Variants in SRGAP3 observed in about 807,000 individuals in gnomAD.
SRGAP3 encodes SLIT-ROBO Rho GTPase-activating protein 3.
Under a neutral mutation model 121.1 loss-of-function variants are expected in SRGAP3, and 39 were observed. That is an observed-to-expected ratio of 0.32 (90% CI 0.25 to 0.42). The LOEUF is 0.42. SRGAP3 is among the 10% of genes least tolerant of loss of function. SRGAP3 has a pLI of 1.00. For missense variants in SRGAP3, 1,213 were observed against 1,470.6 expected (o/e 0.82, Z 2.86); for synonymous variants, 601 against 570.0 (o/e 1.05, Z -0.77).
chr3:8,994,078 C>A, intron 19 of SRGAP3: 1 of 500,822 alleles, frequency 2.0e-6, no homozygotes, highest in Non-Finnish European at 3.7e-6. Flanking sequence ...TGATGGCACT[C>A]CCTGGGGGCT....
At chr3:8,993,547 C>T (rs760712200) in intron 19 of SRGAP3, among the ~76,000 whole-genome samples, 7 of 152,218 alleles carry the variant, frequency 4.6e-5, no homozygotes, top group Non-Finnish European at 8.8e-5. Flanking sequence ...GGTGCCCTGC[C>T]GGCCTCCTTC....
At chr3:9,194,070 G>A (rs1951846808) in intron 1 of SRGAP3, 1 of 152,214 alleles carries the variant, frequency 6.6e-6, no homozygotes, top group Admixed American at 6.5e-5. Flanking sequence ...GAGTTGCAAA[G>A]GGGCTTACAA....
At chr3:9,096,850 C>A (rs1432497334) in intron 3 of SRGAP3, among the ~76,000 whole-genome samples, 2 of 143,770 alleles carry the variant, frequency 1.4e-5, no homozygotes, top group African/African-American at 5.1e-5. Flanking sequence ...TCTCAAAGTC[C>A]AAATAATCAT....
At chr3:9,032,406 C>A (rs1944529433) in intron 12 of SRGAP3, among the ~76,000 whole-genome samples, 1 of 152,208 alleles carries the variant, frequency 6.6e-6, no homozygotes, top group Non-Finnish European at 1.5e-5. Flanking sequence ...TCCCTGAGTT[C>A]TTTCATGATC....
chr3:9,191,675 G>A (rs1265522640), intron 1 of SRGAP3, among the ~76,000 whole-genome samples: 2 of 152,224 alleles, frequency 1.3e-5, no homozygotes, highest in African/African-American at 4.8e-5. Context: ...GAATGTGGGA[G>A]ATATGGGAGA....
intron 1 of SRGAP3, among the ~76,000 whole-genome samples, chr3:9,351,014 C>T (rs2030107866): frequency 6.6e-6 from 1 of 152,134 alleles, no homozygotes; most frequent in Non-Finnish European, 1.5e-5. Flanking sequence ...AGGATGCTGG[C>T]TCCCTCATGC....
intron 3 of SRGAP3, among the ~76,000 whole-genome samples, chr3:9,287,938 T>A (rs953757122): frequency 2.0e-5 from 3 of 152,136 alleles, no homozygotes; most frequent in African/African-American, 7.2e-5. Flanking sequence ...AATTTTTTTT[T>A]AATCTATCTT....
At chr3:9,019,546 T>A (rs1035461287) in intron 14 of SRGAP3, among the ~76,000 whole-genome samples, 1 of 152,236 alleles carries the variant, frequency 6.6e-6, no homozygotes, top group Non-Finnish European at 1.5e-5. Context: ...ATCCACACAA[T>A]GGGCTGCTCC....
chr3:9,091,020 C>T (rs1043314233), intron 3 of SRGAP3, among the ~76,000 whole-genome samples: 6 of 138,798 alleles, frequency 4.3e-5, no homozygotes, highest in Non-Finnish European at 1.0e-4. Flanking sequence ...TAATGTCATT[C>T]TCTATGTCTA....
At chr3:9,017,683 A>T (rs192490724) in intron 14 of SRGAP3, among the ~76,000 whole-genome samples, 1 of 152,322 alleles carries the variant, frequency 6.6e-6, no homozygotes, top group African/African-American at 2.4e-5. Flanking sequence ...ATGATTGCCT[A>T]ACTCTGTAAA....
chr3:9,115,311 ATT>A (rs1377136054), intron 2 of SRGAP3, among the ~76,000 whole-genome samples: 1 of 152,216 alleles, frequency 6.6e-6, no homozygotes, highest in Non-Finnish European at 1.5e-5. Context: ...TTATTATCCT[ATT>A]TGCCTAATAG....
intron 10 of SRGAP3, 69 bp from the exon 11 acceptor site, chr3:9,038,159 T>C (rs2125110768): frequency 6.3e-7 from 1 of 1,596,128 alleles, no homozygotes; most frequent in African/African-American, 1.3e-5. Context: ...TTCATCTTTT[T>C]CTAAAAACAA....
intron 3 of SRGAP3, among the ~76,000 whole-genome samples, chr3:9,267,689 G>A (rs1482428457): frequency 6.6e-6 from 1 of 152,124 alleles, no homozygotes; most frequent in African/African-American, 2.4e-5. Context: ...TATTTTCTCT[G>A]GTACTTAGAA....
At chr3:9,257,782 G>A (rs1400268866) in intron 3 of SRGAP3, among the ~76,000 whole-genome samples, 1 of 125,794 alleles carries the variant, frequency 7.9e-6, no homozygotes, top group Non-Finnish European at 1.6e-5. Flanking sequence ...TTGGCTCACT[G>A]CAACCTCTGC....
chr3:9,051,122 G>A (rs937898086), intron 9 of SRGAP3, among the ~76,000 whole-genome samples: 1 of 143,568 alleles, frequency 7.0e-6, no homozygotes, highest in Non-Finnish European at 1.5e-5. Context: ...AACCTCCCAG[G>A]CTCAAGTAAT....
chr3:9,073,473 T>C (rs1575028324), intron 4 of SRGAP3, among the ~76,000 whole-genome samples: 1 of 152,326 alleles, frequency 6.6e-6, no homozygotes, highest in Non-Finnish European at 1.5e-5. Context: ...GTCATATAAA[T>C]AGTTTAATGT....
intron 11 of SRGAP3, 30 bp downstream of exon 11, chr3:9,038,033 T>G (rs371134097): frequency 2.5e-6 from 4 of 1,614,002 alleles, no homozygotes. Context: ...GGGCAGCAGA[T>G]GAAAGAAAAC....
chr3:9,124,662 A>C, intron 2 of SRGAP3, 63 bp downstream of exon 2: 1 of 1,606,256 alleles, frequency 6.2e-7, no homozygotes, highest in South Asian at 1.1e-5. Context: ...CTGCTTTGCC[A>C]CCAACTGTCC....
chr3:8,995,297 C>A (rs892403390), intron 18 of SRGAP3, among the ~76,000 whole-genome samples: 33 of 152,084 alleles, frequency 2.2e-4, no homozygotes, highest in African/African-American at 7.5e-4. Context: ...TATAGTGAGA[C>A]CTCATTTCCA....
Sources: gnomAD v4.1 joint callset for allele counts (sites outside exome capture counted in the v4.1 genomes callset) on GRCh38, gnomAD v4.1.1 for gene constraint, MANE v1.5 for transcripts, NCBI Gene and HGNC (gene_info 2026-07-23, HGNC 2026-07-21) for gene names.